PLCB1: variants seen among roughly 807,000 people sequenced by gnomAD.
The protein encoded by PLCB1 is phospholipase C beta 1, also known as 1-phosphatidylinositol 4,5-bisphosphate phosphodiesterase beta-1.
A neutral mutation model predicts 161.8 loss-of-function variants in PLCB1; 46 were observed. The observed-to-expected ratio is 0.28, with a 90% CI of 0.22 to 0.36. The LOEUF is 0.36. PLCB1 is among the 10% of genes least tolerant of loss of function. PLCB1 has a pLI of 1.00. For synonymous variants in PLCB1, 517 were observed against 503.7 expected (o/e 1.03, Z -0.35); for missense variants, 1,016 against 1,472.5 (o/e 0.69, Z 5.07).
rs577081756 is a variant in PLCB1, at chr20:8,192,064, GGAGA to G, written c.177+41697_177+41700del. Among the ~76,000 whole-genome samples, 17 of 152,102 alleles carry G rather than the reference GGAGA, an allele frequency of 1.1e-4. No homozygotes were observed. In the South Asian group the frequency reaches 3.3e-3, roughly 30 times the overall value. ...AAAAGGCTGATCAAATATGTCTAAA[GGAGA>G]GAGTCAGTATAGTAACATAAGTAAT... On this transcript the variant is annotated intron_variant, in intron 2 of 31. Coordinates refer to ENST00000338037, the MANE Select transcript of PLCB1 (RefSeq NM_015192.4).
intron 3 of PLCB1, among the ~76,000 whole-genome samples, chr20:8,383,639 A>C (rs1259949116): frequency 6.6e-6 from 1 of 152,088 alleles, no homozygotes; most frequent in African/African-American, 2.4e-5. Context: ...ATTCGTCTTT[A>C]TATTTTGGTG....
chr20:8,623,316 T>C (rs559414308), intron 3 of PLCB1, among the ~76,000 whole-genome samples: 8 of 151,726 alleles, frequency 5.3e-5, no homozygotes, highest in Admixed American at 1.3e-4. Context: ...TTTCTTCTAA[T>C]TTTTTTTTGT....
At chr20:8,235,121 C>G (rs956769063) in intron 2 of PLCB1, among the ~76,000 whole-genome samples, 10 of 152,094 alleles carry the variant, frequency 6.6e-5, no homozygotes, top group Non-Finnish European at 1.3e-4. Flanking sequence ...AATATATGCA[C>G]CATATGTGGC....
In PLCB1 at chr20:8,629,996, TTCTTTCTTTCTTTC is replaced by T. The variant is rs1310608294; in HGVS notation, c.384+1574_384+1587del. Among the ~76,000 whole-genome samples the T allele has an allele frequency of 1.7e-3, 158 of 92,562 alleles. 2 individuals are homozygous for T. Among genetic ancestry groups the T allele is most frequent in the African/African-American group, 5.4e-3 (126 of 23,152 alleles). The allele number at this position is 92,562 out of a possible 152,430, so 60.7% of individuals were successfully genotyped here. A position where few individuals can be genotyped will look rare whatever the true frequency, so the allele number is the denominator to read the frequency against. On this transcript the variant is annotated intron_variant, in intron 4 of 31. Transcript: ENST00000338037. ...TTTCTTTCTTTCTTTCTTTCTTTCTTTCTTTCTTTCTTTCTCTTTCTTCTTTCCTTTCTTTCCTC... is the reference window on the plus strand; with the variant it reads ...TTTCTTTCTTTCTTTCTTTCTTTCTTTCTTTCTTCTTTCCTTTCTTTCCTC...
intron 18 of PLCB1, among the ~76,000 whole-genome samples, chr20:8,731,476 A>G (rs6133613): frequency 0.41 from 61,566 of 151,694 alleles, 12,955 homozygotes; most frequent in East Asian, 0.65. Flanking sequence ...TCCTAATATA[A>G]GTTTCACTGT....
chr20:8,629,855 TTC>T (rs1290169884), intron 4 of PLCB1, among the ~76,000 whole-genome samples: 1 of 99,990 alleles, frequency 1.0e-5, no homozygotes, highest in Non-Finnish European at 2.0e-5. Context: ...CTTTCTTTCT[TTC>T]TTTCTTTCTT....
chr20:8,794,769 A>G lies in PLCB1; in HGVS notation c.3423+4508A>G, dbSNP rs143282918. On this transcript the variant is annotated intron_variant, in intron 31 of 31. Coordinates refer to ENST00000338037, the MANE Select transcript of PLCB1 (RefSeq NM_015192.4). ...TCAACTTAGAAAATCATATCAATAT[A>G]ATTTTCTAAGCCATTGGTAAATAAA... 1.3e-3 allele frequency among the ~76,000 whole-genome samples: 191 copies of G among 151,914 alleles called. 1 individual carries two copies. The highest frequency in any genetic ancestry group is 4.4e-3 in the African/African-American group (182 of 41,432).
chr20:8,389,354 A>AC (rs1987522585), intron 3 of PLCB1, among the ~76,000 whole-genome samples: 1 of 152,204 alleles, frequency 6.6e-6, no homozygotes, highest in Non-Finnish European at 1.5e-5. Flanking sequence ...CCTTATTGCC[A>AC]AAGGGTTCTA....
At chr20:8,485,865 G>C (rs1275987155) in intron 3 of PLCB1, among the ~76,000 whole-genome samples, 2 of 152,148 alleles carry the variant, frequency 1.3e-5, no homozygotes, top group African/African-American at 4.8e-5. Context: ...CCTCAATCTT[G>C]GAGGGTGTAT....
intron 2 of PLCB1, among the ~76,000 whole-genome samples, chr20:8,183,316 C>G (rs73895569): frequency 0.012 from 1,790 of 152,276 alleles, 38 homozygotes; most frequent in African/African-American, 0.039. Flanking sequence ...TTTTGTCTAA[C>G]TCACAAAATT....
intron 7 of PLCB1, chr20:8,652,177 A>T (rs898633457): frequency 6.6e-6 from 1 of 152,110 alleles, no homozygotes; most frequent in Admixed American, 6.6e-5. Flanking sequence ...GACCAATGTC[A>T]ATTGCAGGCA....
At chr20:8,276,992 A>T (rs199685629) in intron 2 of PLCB1, among the ~76,000 whole-genome samples, 1 of 109,082 alleles carries the variant, frequency 9.2e-6, no homozygotes, top group African/African-American at 3.9e-5. Context: ...TCTTCTTATT[A>T]TTATTATTAT....
intron 3 of PLCB1, among the ~76,000 whole-genome samples, chr20:8,545,749 G>A (rs574699360): frequency 2.0e-5 from 3 of 152,332 alleles, no homozygotes; most frequent in South Asian, 2.1e-4. Context: ...GATAGTGGAT[G>A]TATTTTTAAG....
intron 3 of PLCB1, among the ~76,000 whole-genome samples, chr20:8,611,785 T>C (rs1987913161): frequency 6.6e-6 from 1 of 152,102 alleles, no homozygotes; most frequent in Admixed American, 6.6e-5. Flanking sequence ...CTGCAAACTT[T>C]TAAGAGACGT....
chr20:8,852,149 A>T (rs79887690), intron 31 of PLCB1, among the ~76,000 whole-genome samples: 1 of 152,190 alleles, frequency 6.6e-6, no homozygotes, highest in Non-Finnish European at 1.5e-5. Flanking sequence ...CCTCCTAATT[A>T]TTCTGTCATT....
rs909616713 is a variant in PLCB1, at chr20:8,697,665, G to A, written c.1049G>A (p.Arg350His). Residue 350 changes from arginine to histidine, a missense_variant, in exon 11 of 32, where the codon CGC (arginine) becomes CAC (histidine). Around this residue, in one of 10 missense-constraint regions of PLCB1, gnomAD observed 9 missense variants for 45.4 expected, o/e 0.20. Transcript: ENST00000338037. ...GGAAACTCCTCTGTTGAGATGTATC[G>A]CCAAGTGCTCCTGTCTGGTTGTCGC... ...LAGNSSVEMYRQVLLSGCRCV... is the reference protein window; with the variant it reads ...LAGNSSVEMYHQVLLSGCRCV... 2 of 1,614,104 alleles carry A rather than the reference G, an allele frequency of 1.2e-6. No homozygotes were observed. The highest frequency in any genetic ancestry group is 1.6e-4 in the Middle Eastern group (1 of 6,062).
intron 3 of PLCB1, among the ~76,000 whole-genome samples, chr20:8,504,233 C>T (rs1356168858): frequency 1.3e-5 from 2 of 152,058 alleles, no homozygotes; most frequent in Admixed American, 6.6e-5. Flanking sequence ...CTAATGTTTC[C>T]GGTTACTGTG....
intron 3 of PLCB1, among the ~76,000 whole-genome samples, chr20:8,523,927 A>G (rs1984481860): frequency 6.6e-6 from 1 of 152,090 alleles, no homozygotes; most frequent in Non-Finnish European, 1.5e-5. Flanking sequence ...GTATGGAATC[A>G]ACTGGGCGGA....
At chr20:8,811,917 C>G (rs1984840388) in intron 31 of PLCB1, among the ~76,000 whole-genome samples, 1 of 152,152 alleles carries the variant, frequency 6.6e-6, no homozygotes, top group Non-Finnish European at 1.5e-5. Context: ...TGTACTTAAG[C>G]ACATTTTCCT....
Sources: gnomAD v4.1 joint callset for allele counts (sites outside exome capture counted in the v4.1 genomes callset) on GRCh38, gnomAD v4.1.1 for gene constraint, gnomAD v4.1.1 regional missense constraint, MANE v1.5 for transcripts, NCBI Gene and HGNC (gene_info 2026-07-23, HGNC 2026-07-21) for gene names.